The following PCDHA5 variants were observed in gnomAD, a reference collection of about 807,000 sequenced individuals.
PCDHA5 encodes the protein protocadherin alpha-5.
PCDHA5 carries 43 observed loss-of-function variants against 61.6 expected under a neutral mutation model. The observed-to-expected ratio is 0.70, with a 90% confidence interval of 0.55 to 0.90. PCDHA5 has a LOEUF of 0.90. Ranked by LOEUF, PCDHA5 falls within the 40% of genes least tolerant of loss-of-function variation. The pLI is 0.00. For missense variants in PCDHA5, 1,298 were observed against 1,222.7 expected (o/e 1.06, Z -0.92); for synonymous variants, 627 against 543.9 (o/e 1.15, Z -2.13).
chr5:140,875,744 A>G, intron 1 of PCDHA5: 2 of 1,614,206 alleles, frequency 1.2e-6, no homozygotes, highest in Non-Finnish European at 1.7e-6. Flanking sequence ...TCTCGGATCG[A>G]CCGCGAGAAG....
intron 3 of PCDHA5, among the ~76,000 whole-genome samples, chr5:141,007,748 T>C (rs188910603): frequency 1.3e-3 from 195 of 152,298 alleles, no homozygotes; most frequent in African/African-American, 4.4e-3. Context: ...GAAGATAACT[T>C]TGGACTCTTA....
chr5:140,909,202 G>A (rs1849054), intron 1 of PCDHA5, among the ~76,000 whole-genome samples: 48,059 of 152,084 alleles, frequency 0.32, 7,957 homozygotes, highest in East Asian at 0.53. Context: ...ACACAAAGCC[G>A]GAGAGTTGAT....
intron 1 of PCDHA5, among the ~76,000 whole-genome samples, chr5:140,908,084 T>G (rs2073791096): frequency 6.6e-6 from 1 of 152,202 alleles, no homozygotes; most frequent in Non-Finnish European, 1.5e-5. Context: ...CACAACCAGG[T>G]GCACTGATTG....
intron 1 of PCDHA5, chr5:140,857,181 C>CAGG (rs782645351): frequency 1.3e-6 from 2 of 1,598,372 alleles, no homozygotes; most frequent in African/African-American, 2.7e-5. Context: ...GACCATGATT[C>CAGG]AGGAGCCAAC....
rs2150160897 is a variant in PCDHA5, at chr5:140,828,930, CT to C, written c.2352+4807del. ...GGAGCGAATGGGGCAATTTCATATT[CT>C]TTTAATAGCCTTGTTGCAGCCATGG... On this transcript the variant is annotated intron_variant, in intron 1 of 3. Coordinates refer to ENST00000529859, the MANE Select transcript of PCDHA5 (RefSeq NM_018908.3). The C allele has an allele frequency of 5.6e-6, 9 of 1,614,116 alleles. No individual in the cohort carries two copies. In the South Asian group the frequency reaches 8.8e-5, roughly 16 times the overall value.
intron 1 of PCDHA5, among the ~76,000 whole-genome samples, chr5:140,933,221 G>A (rs952837794): frequency 2.0e-5 from 3 of 151,758 alleles, no homozygotes; most frequent in Non-Finnish European, 4.4e-5. Flanking sequence ...CTGTTATATT[G>A]CATTTATGAA....
In PCDHA5 at chr5:140,848,671, T is replaced by C. The variant is rs2150416657; in HGVS notation, c.2352+24544T>C. The C allele has an allele frequency of 3.1e-6, 5 of 1,592,316 alleles. 1 individual carries two copies. The highest frequency in any genetic ancestry group is 2.2e-5 in the South Asian group (2 of 90,134). On this transcript the variant is annotated intron_variant, in intron 1 of 3. Transcript: ENST00000529859. ...GACCTGGGGCTGGAGCTGGCGGAGCTGGTGCCGCGCCTGTTCCAGTTGGAT... is the reference window on the plus strand; with the variant it reads ...GACCTGGGGCTGGAGCTGGCGGAGCCGGTGCCGCGCCTGTTCCAGTTGGAT...
At chr5:140,918,562 A>G (rs536690328) in intron 1 of PCDHA5, among the ~76,000 whole-genome samples, 17 of 152,330 alleles carry the variant, frequency 1.1e-4, no homozygotes, top group African/African-American at 3.4e-4. Context: ...AGAAGAATGT[A>G]TATTATGCTG....
At chr5:140,960,551 G>T (rs2095555454) in intron 1 of PCDHA5, among the ~76,000 whole-genome samples, 1 of 152,102 alleles carries the variant, frequency 6.6e-6, no homozygotes, top group Admixed American at 6.5e-5. Flanking sequence ...CCTTCATATA[G>T]ACTGAGCTTA....
intron 1 of PCDHA5, chr5:140,862,621 C>G (rs1452170238): frequency 1.9e-6 from 1 of 528,602 alleles, no homozygotes; most frequent in Admixed American, 2.0e-5. Context: ...TAACAACCCG[C>G]GGGGCTGCCA....
intron 1 of PCDHA5, among the ~76,000 whole-genome samples, chr5:140,947,509 T>C (rs1358803536): frequency 2.6e-5 from 4 of 151,722 alleles, no homozygotes; most frequent in Non-Finnish European, 4.4e-5. Flanking sequence ...AATTTTCATA[T>C]AAATTTTAGA....
chr5:140,902,290 A>G (rs1252691615), intron 1 of PCDHA5, among the ~76,000 whole-genome samples: 1 of 146,394 alleles, frequency 6.8e-6, no homozygotes, highest in Non-Finnish European at 1.5e-5. Context: ...CTCCTGCCTC[A>G]GCCTCCCAAA....
rs1779768738 is a variant in PCDHA5, at chr5:140,845,237, A to G, written c.2352+21110A>G. On this transcript the variant is annotated intron_variant, in intron 1 of 3. Coordinates refer to ENST00000529859, the MANE Select transcript of PCDHA5 (RefSeq NM_018908.3). ...TTTAAAAAATATGATTATCTTTATT[A>G]TCCTGTTTGAATAATATGTGTTTTC... 2.0e-5 allele frequency among the ~76,000 whole-genome samples: 3 copies of G among 149,564 alleles called. 1 individual carries two copies. The South Asian group carries it at 6.4e-4, about 32-fold the overall frequency.
At chr5:140,957,912 T>A (rs570961362) in intron 1 of PCDHA5, among the ~76,000 whole-genome samples, 1 of 152,256 alleles carries the variant, frequency 6.6e-6, no homozygotes, top group Non-Finnish European at 1.5e-5. Context: ...CATATTGTTA[T>A]CTATGTATCA....
chr5:140,869,817 T>G, intron 1 of PCDHA5: 1 of 1,612,264 alleles, frequency 6.2e-7, no homozygotes, highest in Non-Finnish European at 8.5e-7. Flanking sequence ...TCAACGACAA[T>G]GATCCAGAGT....
At chr5:140,882,854 C>G in intron 1 of PCDHA5, 2 of 1,614,196 alleles carry the variant, frequency 1.2e-6, no homozygotes, top group Non-Finnish European at 1.7e-6. Flanking sequence ...ATCACTTGTA[C>G]TGAGGAAAAC....
chr5:140,923,719 G>A (rs906860011), intron 1 of PCDHA5, among the ~76,000 whole-genome samples: 5 of 152,182 alleles, frequency 3.3e-5, no homozygotes, highest in African/African-American at 1.2e-4. Context: ...GAATAAGAAT[G>A]CAATGTTATG....
chr5:140,890,702 A>G (rs552792120), intron 1 of PCDHA5, among the ~76,000 whole-genome samples: 1 of 152,318 alleles, frequency 6.6e-6, no homozygotes, highest in African/African-American at 2.4e-5. Flanking sequence ...GGGACCTTAC[A>G]TTTTTAAAAT....
intron 1 of PCDHA5, chr5:140,881,180 T>C: frequency 6.0e-6 from 1 of 167,460 alleles, no homozygotes; most frequent in Non-Finnish European, 1.2e-5. Context: ...TTTTCCTTGC[T>C]AAAGATATGT....
Sources: gnomAD v4.1 joint callset for allele counts (sites outside exome capture counted in the v4.1 genomes callset) on GRCh38, gnomAD v4.1.1 for gene constraint, MANE v1.5 for transcripts, NCBI Gene and HGNC (gene_info 2026-07-23, HGNC 2026-07-21) for gene names.